CNTNAP3B: variants seen among roughly 807,000 people sequenced by gnomAD.
The protein encoded by CNTNAP3B is contactin associated protein family member 3B, also known as contactin-associated protein-like 3B.
A neutral mutation model predicts 108.9 loss-of-function variants in CNTNAP3B; 25 were observed. The observed-to-expected ratio is 0.23, with a 90% CI of 0.17 to 0.32. The LOEUF is 0.32. CNTNAP3B is among the 10% of genes least tolerant of loss of function. The pLI, the probability that CNTNAP3B is intolerant of heterozygous loss-of-function variation, is 1.00. For synonymous variants in CNTNAP3B, 103 were observed against 473.4 expected, an observed-to-expected ratio of 0.22 and a Z score of 10.16; for missense variants, 252 against 1,210.4, an observed-to-expected ratio of 0.21 and a Z score of 11.75.
At chr9:41,942,383 G>A (rs1480979237) in intron 13 of CNTNAP3B, among the ~76,000 whole-genome samples, 1 of 152,218 alleles carries the variant, frequency 6.6e-6, no homozygotes, top group African/African-American at 2.4e-5. Context: ...GGCTGAGGCG[G>A]GCGGATCACG....
At position 42,105,797 on chromosome 9, in the gene CNTNAP3B, T is replaced by A. The variant is rs1006810516; in HGVS notation, c.86-1058A>T. On this transcript the variant is annotated intron_variant, in intron 1 of 23. Transcript: ENST00000377561. ...GTACCTCTTCCAGCATGGTTATTGA[T>A]CTAATAATGTTACACATAAGTTTTC... Among the ~76,000 whole-genome samples the A allele has an allele frequency of 4.2e-5, 4 of 95,090 alleles. 1 individual carries two copies. Among genetic ancestry groups the A allele is most frequent in the African/African-American group, 8.1e-5 (2 of 24,768 alleles). The allele number at this position is 95,090 out of a possible 152,430, so 62.4% of individuals were successfully genotyped here. A position where few individuals can be genotyped will look rare whatever the true frequency, so the allele number is the denominator to read the frequency against.
chr9:42,056,918 C>G (rs1258493529), intron 3 of CNTNAP3B, among the ~76,000 whole-genome samples: 1 of 54,360 alleles, frequency 1.8e-5, no homozygotes, highest in Non-Finnish European at 3.3e-5. Context: ...ATTATATATG[C>G]AAACCTCTCC....
intron 9 of CNTNAP3B, among the ~76,000 whole-genome samples, chr9:41,977,755 G>C (rs1825547533): frequency 8.1e-6 from 1 of 123,618 alleles, no homozygotes; most frequent in South Asian, 2.7e-4. Context: ...GGGAAGCTGG[G>C]ACTACAGGCG....
chr9:42,096,758 A>G (rs1407728904), intron 2 of CNTNAP3B, among the ~76,000 whole-genome samples: 19 of 109,946 alleles, frequency 1.7e-4, no homozygotes, highest in East Asian at 9.6e-4. Context: ...TCATCCCTAC[A>G]TGAAAAAGTA....
At chr9:42,096,219 A>G (rs1827897230) in intron 2 of CNTNAP3B, among the ~76,000 whole-genome samples, 1 of 139,002 alleles carries the variant, frequency 7.2e-6, no homozygotes, top group African/African-American at 2.9e-5. Context: ...GCCCACTCAG[A>G]TCCCTGAGCT....
chr9:41,921,240 A>G (rs1323156803), intron 17 of CNTNAP3B, among the ~76,000 whole-genome samples: 1 of 152,280 alleles, frequency 6.6e-6, no homozygotes, highest in Non-Finnish European at 1.5e-5. Context: ...CCCTTAAATA[A>G]TCTCCAAGAT....
Position 42,068,007 on chromosome 9 carries a change from T to C in CNTNAP3B, c.390+8862A>G, listed in dbSNP as rs544555707. The stretch of plus-strand genomic sequence containing the variant: ...TATCACTATAGCCAAAGTTTCAGTG[T>C]AGAAAAACACCCCTGCTCATCAGTA... On this transcript the variant is annotated intron_variant, in intron 3 of 23. Coordinates refer to ENST00000377561, the MANE Select transcript of CNTNAP3B (RefSeq NM_001201380.3). Among the ~76,000 whole-genome samples the C allele has an allele frequency of 5.9e-4, 82 of 139,496 alleles. 21 individuals are homozygous for C. Among genetic ancestry groups the C allele is most frequent in the Admixed American group, 5.5e-3 (77 of 14,016 alleles). 91.5% of individuals were successfully genotyped at this position (139,496 alleles called of 152,430 possible).
intron 9 of CNTNAP3B, chr9:41,983,327 T>A (rs1825668151): frequency 1.1e-5 from 1 of 91,732 alleles, no homozygotes; most frequent in Non-Finnish European, 2.2e-5. Context: ...TCTGGACCTA[T>A]TCAATCTGGG....
chr9:42,117,162 G>T (rs1199696149), intron 1 of CNTNAP3B, among the ~76,000 whole-genome samples: 2 of 136,232 alleles, frequency 1.5e-5, no homozygotes, highest in South Asian at 2.4e-4. Context: ...ACTCAGCTCT[G>T]CACCAAGCAG....
intron 17 of CNTNAP3B, among the ~76,000 whole-genome samples, chr9:41,921,277 T>A (rs1210905049): frequency 7.5e-3 from 954 of 127,628 alleles, no homozygotes; most frequent in East Asian, 0.025. Context: ...AAGTTCTTGG[T>A]TTGACCCCTC....
chr9:41,954,949 G>C (rs1216062326), intron 12 of CNTNAP3B, among the ~76,000 whole-genome samples: 1 of 151,960 alleles, frequency 6.6e-6, no homozygotes, highest in Non-Finnish European at 1.5e-5. Flanking sequence ...GCCTCCCAAA[G>C]TGCTGGGATT....
chr9:42,077,686 T>C (rs1402143818), intron 2 of CNTNAP3B, among the ~76,000 whole-genome samples: 10 of 124,580 alleles, frequency 8.0e-5, no homozygotes, highest in Non-Finnish European at 1.2e-4. Flanking sequence ...AGGTGAGTCC[T>C]AAGCAGGTTC....
At chr9:41,936,458 C>A (rs1164689696) in intron 14 of CNTNAP3B, among the ~76,000 whole-genome samples, 1 of 152,256 alleles carries the variant, frequency 6.6e-6, no homozygotes, top group Admixed American at 6.5e-5. Context: ...AGCTGGAGGG[C>A]TGGAGCCCTC....
chr9:42,077,046 G>C lies in CNTNAP3B; in HGVS notation c.213C>G (p.Thr71=). The C allele has an allele frequency of 2.0e-6, 3 of 1,534,826 alleles. 1 individual carries two copies. The South Asian group carries it at 3.5e-5, about 18-fold the overall frequency. The change falls in exon 3 of 24, where the codon ACC becomes ACG. Residue 71 remains threonine (T), a synonymous_variant. Transcript: ENST00000377561. ...LNRRDGAGGW[T]PLVSNKYQWL... ...ATTGGTATTTATTTGACACAAGTGGGGTCCAGCCACCAGCTCCTTTTTTGA... is the reference window on the plus strand; with the variant it reads ...ATTGGTATTTATTTGACACAAGTGGCGTCCAGCCACCAGCTCCTTTTTTGA...
intron 14 of CNTNAP3B, among the ~76,000 whole-genome samples, chr9:41,934,130 C>CACATATATATATACACAT (rs1491259532): frequency 3.8e-4 from 44 of 116,468 alleles, no homozygotes; most frequent in Non-Finnish European, 6.0e-4. Flanking sequence ...TATACACACA[C>CACATATATATATACACAT]ATATATATAT....
At chr9:41,947,264 G>A (rs1824555356) in intron 13 of CNTNAP3B, among the ~76,000 whole-genome samples, 1 of 152,040 alleles carries the variant, frequency 6.6e-6, no homozygotes, top group South Asian at 2.1e-4. Context: ...ATATCCCTGG[G>A]AGCCAAACAA....
At chr9:42,097,189 T>C (rs1186112993) in intron 2 of CNTNAP3B, among the ~76,000 whole-genome samples, 3 of 140,416 alleles carry the variant, frequency 2.1e-5, no homozygotes, top group Admixed American at 7.0e-5. Context: ...CAGAAAATAT[T>C]AGATTATCCC....
intron 12 of CNTNAP3B, among the ~76,000 whole-genome samples, chr9:41,958,118 T>G (rs540885834): frequency 1.3e-5 from 2 of 152,154 alleles, no homozygotes; most frequent in African/African-American, 4.8e-5. Flanking sequence ...TTTCTTTTTC[T>G]TTTTTTGGAG....
intron 11 of CNTNAP3B, among the ~76,000 whole-genome samples, chr9:41,963,924 G>A (rs1183170398): frequency 6.6e-6 from 1 of 152,302 alleles, no homozygotes; most frequent in African/African-American, 2.4e-5. Context: ...GCTGACATAA[G>A]TACTCAATAC....
Sources: gnomAD v4.1 joint callset for allele counts (sites outside exome capture counted in the v4.1 genomes callset) on GRCh38, gnomAD v4.1.1 for gene constraint, MANE v1.5 for transcripts, NCBI Gene and HGNC (gene_info 2026-07-23, HGNC 2026-07-21) for gene names.